Variants in ZNF837 observed in about 807,000 individuals in gnomAD.
ZNF837 encodes zinc finger protein 837.
For synonymous variants in ZNF837, 475 were observed against 365.2 expected (o/e 1.30, Z -3.43); for missense variants, 955 against 801.7 (o/e 1.19, Z -2.31).
In ZNF837 at chr19:58,368,316, C is replaced by A; in HGVS notation, c.1017G>T (p.Leu339=). The A allele has an allele frequency of 6.7e-7, 1 of 1,490,370 alleles. No individual in the cohort carries two copies. Among genetic ancestry groups the A allele is most frequent in the Non-Finnish European group, 8.9e-7 (1 of 1,129,544 alleles). The allele number at this position is 1,490,370 out of a possible 1,614,324, so 92.3% of individuals were successfully genotyped here. A position where few individuals can be genotyped will look rare whatever the true frequency, so the allele number is the denominator to read the frequency against. The change falls in exon 3 of 3, where the codon CTG becomes CTT. Residue 339 remains leucine, a synonymous_variant. Coordinates refer to ENST00000597582, the MANE Select transcript of ZNF837 (RefSeq NM_138466.2). The part of the protein sequence containing the change: ...GPVLARRAFR[L]GCPPCGDYSE... ...TGTAGTCCCCGCAGGGCGGGCACCC[C>A]AGCCGGAAGGCGCGCCGCGCCAGGA...
chr19:58,375,733 A>C (rs927183820), intron 1 of ZNF837, among the ~76,000 whole-genome samples: 34 of 146,424 alleles, frequency 2.3e-4, no homozygotes, highest in Non-Finnish European at 4.3e-4. Flanking sequence ...GGTGTGAGCC[A>C]CCTCGCCCAG....
intron 1 of ZNF837, among the ~76,000 whole-genome samples, chr19:58,380,367 T>C (rs1007800806): frequency 9.2e-5 from 14 of 152,210 alleles, no homozygotes; most frequent in South Asian, 6.2e-4. Flanking sequence ...TGCTGCATCC[T>C]GCTCTAATAG....
At chr19:58,377,380 G>A (rs550737620) in intron 1 of ZNF837, among the ~76,000 whole-genome samples, 13 of 150,806 alleles carry the variant, frequency 8.6e-5, no homozygotes, top group Admixed American at 3.3e-4. Flanking sequence ...GGTGGTGGGC[G>A]CCTGCAGGAG....
At chr19:58,380,081 T>G (rs2052277753) in intron 1 of ZNF837, among the ~76,000 whole-genome samples, 1 of 152,226 alleles carries the variant, frequency 6.6e-6, no homozygotes, top group Non-Finnish European at 1.5e-5. Flanking sequence ...GGACACAGGC[T>G]AGTGCCCAGC....
intron 1 of ZNF837, among the ~76,000 whole-genome samples, chr19:58,373,055 C>T (rs1054645922): frequency 1.3e-5 from 2 of 152,148 alleles, no homozygotes; most frequent in Non-Finnish European, 2.9e-5. Flanking sequence ...ACTTGTCACA[C>T]GTGATAACTG....
intron 1 of ZNF837, among the ~76,000 whole-genome samples, chr19:58,374,508 G>C (rs549778484): frequency 6.6e-6 from 1 of 152,084 alleles, no homozygotes; most frequent in Non-Finnish European, 1.5e-5. Flanking sequence ...AAGTAGACTG[G>C]TGGTCGCCAG....
intron 1 of ZNF837, among the ~76,000 whole-genome samples, chr19:58,380,155 C>T (rs748717380): frequency 2.0e-5 from 3 of 152,176 alleles, no homozygotes; most frequent in Non-Finnish European, 2.9e-5. Flanking sequence ...TCCCAGGGGA[C>T]ACAGACTCTA....
chr19:58,375,300 ATATATATATAT>A lies in ZNF837; in HGVS notation c.-139-5383_-139-5373del, dbSNP rs1313258226. 1.0e-3 allele frequency among the ~76,000 whole-genome samples: 94 copies of A among 91,308 alleles called. 1 individual carries two copies. The highest frequency in any genetic ancestry group is 3.3e-3 in the African/African-American group (92 of 27,824). 59.9% of individuals were successfully genotyped at this position (91,308 alleles called of 152,430 possible). ...TATATATATATATATATATATATAT[ATATATATATAT>A]AAAATTACATATATACTTAAGAGTA... is the stretch of plus-strand genomic sequence containing the variant. On this transcript the variant is annotated intron_variant, in intron 1 of 2. Coordinates refer to ENST00000597582, the MANE Select transcript of ZNF837 (RefSeq NM_138466.2).
chr19:58,378,028 G>A (rs2052263481), intron 1 of ZNF837, among the ~76,000 whole-genome samples: 2 of 152,224 alleles, frequency 1.3e-5, no homozygotes, highest in South Asian at 2.1e-4. Flanking sequence ...TGCAGGTTTT[G>A]TAGTGTTCCC....
At chr19:58,375,149 C>T (rs1363843446) in intron 1 of ZNF837, among the ~76,000 whole-genome samples, 1 of 142,898 alleles carries the variant, frequency 7.0e-6, no homozygotes, top group Non-Finnish European at 1.5e-5. Flanking sequence ...GTCCCAGCTA[C>T]TTGAGAGGCT....
In ZNF837 at chr19:58,369,365, G is replaced by T; in HGVS notation, c.-29-4C>A. The T allele has an allele frequency of 7.5e-7, 1 of 1,329,848 alleles. No individual in the cohort carries two copies. Among genetic ancestry groups the T allele is most frequent in the Non-Finnish European group, 9.6e-7 (1 of 1,044,352 alleles). 82.4% of individuals were successfully genotyped at this position (1,329,848 alleles called of 1,614,324 possible). ...CGCAGAGTTCTGGTTGTAGGATCTGGAAGAGCAGAGAAGAAATGGAGGTTG... is the reference window on the plus strand; with the variant it reads ...CGCAGAGTTCTGGTTGTAGGATCTGTAAGAGCAGAGAAGAAATGGAGGTTG... On this transcript the variant is annotated splice_polypyrimidine_tract_variant and splice_region_variant and intron_variant, in intron 2 of 2. Transcript: ENST00000597582.
At chr19:58,378,986 TTCCA>T (rs2052270318) in intron 1 of ZNF837, among the ~76,000 whole-genome samples, 1 of 152,228 alleles carries the variant, frequency 6.6e-6, no homozygotes, top group Non-Finnish European at 1.5e-5. Context: ...GACTTCTGGC[TTCCA>T]GGACTGTGAG....
chr19:58,379,510 C>T (rs1455032247), intron 1 of ZNF837, among the ~76,000 whole-genome samples: 1 of 152,204 alleles, frequency 6.6e-6, no homozygotes, highest in Admixed American at 6.5e-5. Context: ...CAAACACAAT[C>T]GAGGCTCTGG....
rs1011527419 is a variant in ZNF837, at chr19:58,368,471, G to A, written c.862C>T (p.Gln288Ter). Residue 288 changes from glutamine to a stop codon, truncating the protein, a stop_gained, in exon 3 of 3, where the codon CAG becomes TAG. Coordinates refer to ENST00000597582, the MANE Select transcript of ZNF837 (RefSeq NM_138466.2). LOFTEE classifies it low-confidence loss of function (END_TRUNC). ...KAFTRTSSLL[Q>*]HQRIHTGERP... Reference sequence around the variant, plus strand: ...TCGCCCGTGTGGATGCGCTGGTGCTGCAGCAGGCTGGAGGTGCGCGTGAAG... The same window carrying A: ...TCGCCCGTGTGGATGCGCTGGTGCTACAGCAGGCTGGAGGTGCGCGTGAAG... 7 of 1,569,282 alleles carry A rather than the reference G, an allele frequency of 4.5e-6. No individual in the cohort carries two copies. The highest frequency in any genetic ancestry group is 4.1e-5 in the African/African-American group (3 of 73,584).
At position 58,367,636 on chromosome 19, in the gene ZNF837, G is replaced by A; in HGVS notation, c.*101C>T. Reference sequence around the variant, plus strand: ...GTGGACGCCATGTGTACAAAGTGAAGTTTAATCAAAGTTACAAACGTTGGT... The same window carrying A: ...GTGGACGCCATGTGTACAAAGTGAAATTTAATCAAAGTTACAAACGTTGGT... On this transcript the variant is annotated 3_prime_UTR_variant, in exon 3 of 3. Transcript: ENST00000597582. 1 of 1,397,400 alleles carries A rather than the reference G, an allele frequency of 7.2e-7. No individual in the cohort carries two copies. Among genetic ancestry groups the A allele is most frequent in the Non-Finnish European group, 9.3e-7 (1 of 1,070,084 alleles). The allele number at this position is 1,397,400 out of a possible 1,614,324, so 86.6% of individuals were successfully genotyped here.
In ZNF837 at chr19:58,368,826, C is replaced by G; in HGVS notation, c.507G>C (p.Pro169=). Reference sequence around the variant, plus strand: ...TCGGAGCGCCAGTCCCTGGTTGGCACGGCCAACAGTCCGTGTGGACCTCAC... The same window carrying G: ...TCGGAGCGCCAGTCCCTGGTTGGCAGGGCCAACAGTCCGTGTGGACCTCAC... ...QLCEVHTDCW[P]CQPGTGAPTC... is the part of the protein sequence containing the mutation. The change falls in exon 3 of 3, where the codon CCG becomes CCC. Residue 169 remains proline, a synonymous_variant. Coordinates refer to ENST00000597582, the MANE Select transcript of ZNF837 (RefSeq NM_138466.2). The G allele has an allele frequency of 6.5e-7, 1 of 1,546,624 alleles. No individual in the cohort carries two copies.
chr19:58,368,260 G>A lies in ZNF837; in HGVS notation c.1073C>T (p.Ala358Val), dbSNP rs140362788. ...SERSPRRGSG[A>V]GEKPYECADC... is the part of the protein sequence containing the mutation. ...GGCGCACTCGTACGGCTTCTCCCCGGCTCCCGACCCCCGTCGGGGACTCCG... is the reference window on the plus strand; with the variant it reads ...GGCGCACTCGTACGGCTTCTCCCCGACTCCCGACCCCCGTCGGGGACTCCG... Residue 358 changes from alanine to valine, a missense_variant, in exon 3 of 3, where the codon GCC (alanine) becomes GTC (valine). Coordinates refer to ENST00000597582, the MANE Select transcript of ZNF837 (RefSeq NM_138466.2). The A allele has an allele frequency of 1.9e-3, 2,897 of 1,487,190 alleles. 51 individuals are homozygous for A. In the African/African-American group the frequency reaches 0.037, roughly 19 times the overall value. 92.1% of individuals were successfully genotyped at this position (1,487,190 alleles called of 1,614,324 possible). A position where few individuals can be genotyped will look rare whatever the true frequency, so the allele number is the denominator to read the frequency against.
intron 1 of ZNF837, among the ~76,000 whole-genome samples, chr19:58,374,955 A>G (rs2052229317): frequency 7.9e-6 from 1 of 126,928 alleles, no homozygotes; most frequent in East Asian, 2.0e-4. Flanking sequence ...TTATATATAT[A>G]TATACACACA....
Position 58,368,299 on chromosome 19 carries a change from C to A in ZNF837, c.1034G>T (p.Gly345Val), listed in dbSNP as rs1403849030. 2 of 1,484,484 alleles carry A rather than the reference C, an allele frequency of 1.3e-6. No individual in the cohort carries two copies. Among genetic ancestry groups the A allele is most frequent in the South Asian group, 2.7e-5 (2 of 74,650 alleles). 92.0% of individuals were successfully genotyped at this position (1,484,484 alleles called of 1,614,324 possible). A position where few individuals can be genotyped will look rare whatever the true frequency, so the allele number is the denominator to read the frequency against. The change falls in exon 3 of 3, where the codon GGG becomes GTG. Residue 345 changes from glycine (G) to valine (V), a missense_variant. Transcript: ENST00000597582. ...TCGGGGACTCCGCTCGCTGTAGTCCCCGCAGGGCGGGCACCCCAGCCGGAA... is the reference window on the plus strand; with the variant it reads ...TCGGGGACTCCGCTCGCTGTAGTCCACGCAGGGCGGGCACCCCAGCCGGAA... ...RAFRLGCPPC[G>V]DYSERSPRRG...
Sources: gnomAD v4.1 joint callset for allele counts (sites outside exome capture counted in the v4.1 genomes callset) on GRCh38, gnomAD v4.1.1 for gene constraint, MANE v1.5 for transcripts, NCBI Gene and HGNC (gene_info 2026-07-23, HGNC 2026-07-21) for gene names.